ITPKB: variants seen among roughly 807,000 people sequenced by gnomAD.
ITPKB encodes the protein IP3 3-kinase B.
ITPKB carries 13 observed loss-of-function variants against 69.4 expected under a neutral mutation model. The observed-to-expected ratio is 0.19, with a 90% CI of 0.12 to 0.30. ITPKB has a LOEUF of 0.30. Ranked by LOEUF, ITPKB falls within the 10% of genes least tolerant of loss-of-function variation. The pLI is 1.00. For missense variants in ITPKB, 1,240 were observed against 1,250.5 expected (o/e 0.99, Z 0.13); for synonymous variants, 584 against 513.7 (o/e 1.14, Z -1.85).
At chr1:226,689,609 GTGTGCA>G (rs1310445712) in intron 2 of ITPKB, among the ~76,000 whole-genome samples, 1 of 149,362 alleles carries the variant, frequency 6.7e-6, no homozygotes, top group African/African-American at 2.5e-5. Context: ...GTGTGTGTGT[GTGTGCA>G]TGCATATGTG....
rs1469329681 is a variant in ITPKB at position 226,735,949 on chromosome 1, C to T, written c.1510G>A (p.Gly504Arg). The T allele has an allele frequency of 1.2e-6, 2 of 1,614,108 alleles. No individual in the cohort carries two copies. The highest frequency in any genetic ancestry group is 1.7e-6 in the Non-Finnish European group (2 of 1,180,020). ...GTGCCCTGCCAAACCCTGGAGTTCCCAGGCTGCACACCCACCCTGTCCCCA... is the reference window on the plus strand; with the variant it reads ...GTGCCCTGCCAAACCCTGGAGTTCCTAGGCTGCACACCCACCCTGTCCCCA... Reference protein sequence around the residue: ...PPGDRVGVQPGNSRVWQGTME... With the variant: ...PPGDRVGVQPRNSRVWQGTME... Residue 504 changes from glycine to arginine, a missense_variant, in exon 2 of 8, where the codon GGG becomes AGG. Around this residue, in one of 2 missense-constraint regions of ITPKB, gnomAD observed 992 missense variants for 853.8 expected, o/e 1.16. Coordinates refer to ENST00000429204, the MANE Select transcript of ITPKB (RefSeq NM_002221.4).
Position 226,736,618 on chromosome 1 carries a change from G to A in ITPKB, c.841C>T (p.Pro281Ser), listed in dbSNP as rs1395795761. The change falls in exon 2 of 8, where the codon CCT (proline) becomes TCT (serine). Residue 281 changes from proline (P) to serine (S), a missense_variant. This residue lies in a region of ITPKB where 992 missense variants were observed against 853.8 expected (regional missense o/e 1.16). Coordinates refer to ENST00000429204, the MANE Select transcript of ITPKB (RefSeq NM_002221.4). The part of the protein sequence containing the change: ...TAMEIDKRGS[P>S]TPGTRSCLAP... Reference sequence around the variant, plus strand: ...AGGCAGCTCCGAGTTCCCGGGGTAGGAGAGCCCCTTTTGTCAATTTCCATA... The same window carrying A: ...AGGCAGCTCCGAGTTCCCGGGGTAGAAGAGCCCCTTTTGTCAATTTCCATA... 6.2e-7 allele frequency: 1 copy of A among 1,613,740 alleles called. No individual in the cohort carries two copies. The highest frequency in any genetic ancestry group is 8.5e-7 in the Non-Finnish European group (1 of 1,180,012).
intron 2 of ITPKB, among the ~76,000 whole-genome samples, chr1:226,696,292 CAT>C (rs1013895035): frequency 6.6e-6 from 1 of 151,784 alleles, no homozygotes; most frequent in Admixed American, 6.6e-5. Context: ...TATATACACA[CAT>C]ATATATACAC....
At chr1:226,710,441 CCTTT>C (rs1412212869) in intron 2 of ITPKB, among the ~76,000 whole-genome samples, 1 of 152,212 alleles carries the variant, frequency 6.6e-6, no homozygotes, top group African/African-American at 2.4e-5. Flanking sequence ...CCGTTTCCTT[CCTTT>C]CTTCTGCAGG....
intron 4 of ITPKB, among the ~76,000 whole-genome samples, chr1:226,646,309 G>T (rs955395689): frequency 6.6e-6 from 1 of 152,220 alleles, no homozygotes; most frequent in African/African-American, 2.4e-5. Context: ...GCCTGCACAG[G>T]GGAGAAGGAG....
intron 2 of ITPKB, among the ~76,000 whole-genome samples, chr1:226,682,404 T>C (rs189092413): frequency 1.8e-4 from 27 of 152,296 alleles, no homozygotes; most frequent in Middle Eastern, 3.4e-3. Context: ...CAAGGCAAGG[T>C]AGCAACATAG....
chr1:226,691,698 T>C (rs1404053135), intron 2 of ITPKB, among the ~76,000 whole-genome samples: 1 of 152,244 alleles, frequency 6.6e-6, no homozygotes, highest in African/African-American at 2.4e-5. Flanking sequence ...CCATTTCAAC[T>C]TTCCCTAATA....
intron 7 of ITPKB, among the ~76,000 whole-genome samples, chr1:226,635,813 G>A (rs1668825351): frequency 6.6e-6 from 1 of 152,262 alleles, no homozygotes; most frequent in South Asian, 2.1e-4. Flanking sequence ...CCCCTCCTGG[G>A]TGAGCTCAGA....
In ITPKB at chr1:226,738,529, G is replaced by A. The variant is rs1001778299; in HGVS notation, c.-206+512C>T. On this transcript the variant is annotated intron_variant, in intron 1 of 7. Transcript: ENST00000429204. This position sits in a 1 kb window ranked among gnomAD's most constrained non-coding sequence, Gnocchi z 4.2. ...CGCGCGGAGCGAGTCCGCTCTCAGC[G>A]CGCCCTGTTGCCGAGGACGCGACTG... Among the ~76,000 whole-genome samples the A allele has an allele frequency of 1.3e-5, 2 of 152,192 alleles. No individual in the cohort carries two copies. The highest frequency in any genetic ancestry group is 4.8e-5 in the African/African-American group (2 of 41,456).
rs774386525 is a variant in ITPKB, at chr1:226,737,480, C to A, written c.-22G>T. 6.5e-7 allele frequency: 1 copy of A among 1,536,168 alleles called. No homozygotes were observed. The highest frequency in any genetic ancestry group is 1.4e-5 in the African/African-American group (1 of 69,950). ...CCATAGTACTGGGTCCCGCGCTGCC[C>A]GCCGCCGCGGCTCCCGCTCCTGCTC... On this transcript the variant is annotated 5_prime_UTR_variant, in exon 2 of 8. Transcript: ENST00000429204.
rs1426503752 is a variant in ITPKB, at chr1:226,721,020, C to T, written c.1932+14507G>A. On this transcript the variant is annotated intron_variant, in intron 2 of 7. Coordinates refer to ENST00000429204, the MANE Select transcript of ITPKB (RefSeq NM_002221.4). ...TCATGCCAGTGCACCCCAGCCTGGG[C>T]GACAGATCAAGACTCCATCTCAAAA... is the stretch of plus-strand genomic sequence containing the variant. Among the ~76,000 whole-genome samples, 5 of 147,936 alleles carry T rather than the reference C, an allele frequency of 3.4e-5. No homozygotes were observed. The Admixed American group carries it at 3.4e-4, about 10-fold the overall frequency.
At chr1:226,737,759 A>C in intron 1 of ITPKB, 96 bp from the exon 2 acceptor site, 4 of 215,912 alleles carry the variant, frequency 1.9e-5, no homozygotes, top group Non-Finnish European at 3.3e-5. Flanking sequence ...CGGGAACACA[A>C]TCTATCCGGG....
At chr1:226,691,995 A>G (rs541375293) in intron 2 of ITPKB, among the ~76,000 whole-genome samples, 2 of 152,306 alleles carry the variant, frequency 1.3e-5, no homozygotes, top group South Asian at 2.1e-4. Context: ...GGTGCCTACA[A>G]AGGTCCAGTG....
At chr1:226,694,358 T>C (rs1390180789) in intron 2 of ITPKB, among the ~76,000 whole-genome samples, 1 of 152,140 alleles carries the variant, frequency 6.6e-6, no homozygotes, top group Non-Finnish European at 1.5e-5. Context: ...ACATTGGAAA[T>C]TGCTTTTATT....
At chr1:226,722,632 G>A (rs1316727993) in intron 2 of ITPKB, among the ~76,000 whole-genome samples, 1 of 152,156 alleles carries the variant, frequency 6.6e-6, no homozygotes. Context: ...TTCGCCATCA[G>A]ACCACCCCTG....
At chr1:226,680,814 C>A (rs1283233590) in intron 2 of ITPKB, among the ~76,000 whole-genome samples, 1 of 152,164 alleles carries the variant, frequency 6.6e-6, no homozygotes, top group South Asian at 2.1e-4. Flanking sequence ...GCCCATAGGG[C>A]ACAGGAGAGC....
rs114401777 is a variant in ITPKB, at chr1:226,664,807, A to G, written c.1933-16036T>C. Among the ~76,000 whole-genome samples the G allele has an allele frequency of 4.3e-3, 661 of 152,360 alleles. 3 individuals carry two copies. The highest frequency in any genetic ancestry group is 0.015 in the African/African-American group (604 of 41,576). On this transcript the variant is annotated intron_variant, in intron 2 of 7. Transcript: ENST00000429204. ...GGATTCAAGGTGGCCAAAGAGGCGC[A>G]TGGAAAGTATTTGCCTTGGGAATGT...
At chr1:226,718,990 C>T (rs573442717) in intron 2 of ITPKB, among the ~76,000 whole-genome samples, 9 of 152,188 alleles carry the variant, frequency 5.9e-5, no homozygotes, top group Admixed American at 1.3e-4. Context: ...AAAAGTGAAT[C>T]GGGGGCCGGC....
intron 4 of ITPKB, among the ~76,000 whole-genome samples, chr1:226,644,409 T>G (rs1460584262): frequency 1.3e-5 from 2 of 152,166 alleles, no homozygotes; most frequent in Non-Finnish European, 2.9e-5. Context: ...AGTGCTCCTT[T>G]GAGACAGGCC....
Sources: gnomAD v4.1 joint callset for allele counts (sites outside exome capture counted in the v4.1 genomes callset) on GRCh38, gnomAD v4.1.1 for gene constraint, gnomAD v4.1.1 regional missense constraint, Gnocchi (gnomAD v3.1) non-coding constraint, MANE v1.5 for transcripts, NCBI Gene and HGNC (gene_info 2026-07-23, HGNC 2026-07-21) for gene names.